The following KCNN2 variants were observed in gnomAD, a reference collection of about 807,000 sequenced individuals.
The protein encoded by KCNN2 is small conductance calcium-activated potassium channel protein 2.
In KCNN2, 24 loss-of-function variants were observed where a neutral mutation model predicts 55.5. The ratio of observed to expected loss-of-function variants is 0.43; its 90% CI spans 0.31 to 0.61. KCNN2 has a LOEUF of 0.61. Ranked by LOEUF, KCNN2 falls within the 20% of genes least tolerant of loss-of-function variation. KCNN2 has a pLI of 0.08. For synonymous variants in KCNN2, 431 were observed against 336.1 expected (o/e 1.28, Z -3.09); for missense variants, 754 against 853.6 (o/e 0.88, Z 1.45).
chr5:114,380,550 T>C (rs1758087434), intron 2 of KCNN2, among the ~76,000 whole-genome samples: 1 of 152,170 alleles, frequency 6.6e-6, no homozygotes, highest in Non-Finnish European at 1.5e-5. Flanking sequence ...ATCTGGAAAA[T>C]GGGGTAATAA....
At chr5:114,294,656 G>C (rs1424985651) in intron 2 of KCNN2, among the ~76,000 whole-genome samples, 1 of 152,150 alleles carries the variant, frequency 6.6e-6, no homozygotes, top group Non-Finnish European at 1.5e-5. Context: ...GTGCTGAAAA[G>C]AATGTATATT....
intron 2 of KCNN2, among the ~76,000 whole-genome samples, chr5:114,382,433 A>G (rs1349419389): frequency 3.9e-5 from 6 of 152,216 alleles, no homozygotes; most frequent in Non-Finnish European, 5.9e-5. Context: ...CGATGTGTAT[A>G]TATCTTTGTG....
intron 1 of KCNN2, among the ~76,000 whole-genome samples, chr5:114,159,681 G>A (rs924461396): frequency 6.6e-6 from 1 of 152,070 alleles, no homozygotes; most frequent in Non-Finnish European, 1.5e-5. Context: ...TAATTTCAGA[G>A]CCTGTTATTG....
intron 1 of KCNN2, among the ~76,000 whole-genome samples, chr5:114,137,568 T>C (rs1029966109): frequency 9.3e-6 from 1 of 107,668 alleles, no homozygotes; most frequent in African/African-American, 3.8e-5. Flanking sequence ...CATAGCATTA[T>C]GAAGCCTAGA....
intron 3 of KCNN2, among the ~76,000 whole-genome samples, chr5:114,452,613 C>A (rs1225206014): frequency 1.3e-5 from 2 of 152,170 alleles, no homozygotes; most frequent in Admixed American, 1.3e-4. Flanking sequence ...ACATTAAAAT[C>A]ATCTGGGGAG....
At chr5:114,458,520 C>T (rs1258776052) in intron 3 of KCNN2, among the ~76,000 whole-genome samples, 1 of 152,180 alleles carries the variant, frequency 6.6e-6, no homozygotes, top group African/African-American at 2.4e-5. Flanking sequence ...GGACATGTTT[C>T]CCTTTGTCAC....
intron 5 of KCNN2, among the ~76,000 whole-genome samples, chr5:114,478,316 C>A (rs1462247920): frequency 6.6e-6 from 1 of 151,764 alleles, no homozygotes; most frequent in Non-Finnish European, 1.5e-5. Flanking sequence ...TACCTATATG[C>A]TATAGGTTTG....
intron 1 of KCNN2, among the ~76,000 whole-genome samples, chr5:114,172,801 A>T (rs555965178): frequency 3.4e-4 from 51 of 151,576 alleles, no homozygotes; most frequent in Non-Finnish European, 4.0e-4. Context: ...TTTTTTCTGT[A>T]GAGTTGAGTT....
At chr5:114,316,816 G>A (rs1271454918) in intron 2 of KCNN2, among the ~76,000 whole-genome samples, 1 of 152,134 alleles carries the variant, frequency 6.6e-6, no homozygotes, top group East Asian at 1.9e-4. Context: ...TATGGACTCA[G>A]GTCTGGCCAT....
chr5:114,129,121 G>A (rs1439824361), intron 1 of KCNN2, among the ~76,000 whole-genome samples: 1 of 152,182 alleles, frequency 6.6e-6, no homozygotes, highest in Non-Finnish European at 1.5e-5. Flanking sequence ...AATGGAGTCA[G>A]AAGGATAGAG....
chr5:114,348,937 T>A (rs1038514184), intron 2 of KCNN2, among the ~76,000 whole-genome samples: 1 of 152,162 alleles, frequency 6.6e-6, no homozygotes, highest in African/African-American at 2.4e-5. Context: ...TCTACCCATT[T>A]AAAGTGTATA....
chr5:114,325,709 C>T (rs1756702519), intron 2 of KCNN2, among the ~76,000 whole-genome samples: 1 of 152,198 alleles, frequency 6.6e-6, no homozygotes, highest in Non-Finnish European at 1.5e-5. Context: ...CATCTGGTGA[C>T]TCCACAGTGC....
At chr5:114,379,947 G>A (rs142829123) in intron 2 of KCNN2, among the ~76,000 whole-genome samples, 2,288 of 149,120 alleles carry the variant, frequency 0.015, 71 homozygotes, top group African/African-American at 0.054. Context: ...TATGTAAAGT[G>A]TAAAAATATA....
intron 2 of KCNN2, among the ~76,000 whole-genome samples, chr5:114,314,244 C>T (rs745716968): frequency 1.4e-4 from 22 of 152,044 alleles, no homozygotes; most frequent in Non-Finnish European, 3.2e-4. Context: ...TATATCACTT[C>T]CCCCCTGCAT....
intron 1 of KCNN2, among the ~76,000 whole-genome samples, chr5:114,085,537 A>G (rs1477382193): frequency 6.6e-6 from 1 of 152,012 alleles, no homozygotes; most frequent in Non-Finnish European, 1.5e-5. Context: ...ATATAACCTT[A>G]TATCTACAAC....
At chr5:114,121,594 A>G (rs551381642) in intron 1 of KCNN2, among the ~76,000 whole-genome samples, 1 of 152,284 alleles carries the variant, frequency 6.6e-6, no homozygotes, top group East Asian at 1.9e-4. Context: ...GCTGCTGACA[A>G]TAAGGAAAGT....
chr5:114,171,803 C>T (rs1753038553), intron 1 of KCNN2, among the ~76,000 whole-genome samples: 2 of 151,636 alleles, frequency 1.3e-5, no homozygotes, highest in South Asian at 2.1e-4. Context: ...TATAAATGTG[C>T]TCTTTGACCT....
intron 1 of KCNN2, among the ~76,000 whole-genome samples, chr5:114,151,322 G>T (rs4616883): frequency 6.6e-6 from 1 of 151,894 alleles, no homozygotes; most frequent in African/African-American, 2.4e-5. Flanking sequence ...ATGGCAGTGG[G>T]TTGGGGACAG....
intron 2 of KCNN2, among the ~76,000 whole-genome samples, chr5:114,234,689 G>A (rs1043776149): frequency 7.9e-5 from 12 of 152,024 alleles, no homozygotes; most frequent in African/African-American, 2.9e-4. Flanking sequence ...GGTGGAGAGT[G>A]GAGAAGAGGG....
Sources: allele counts gnomAD v4.1 joint callset (sites outside exome capture counted in the v4.1 genomes callset), GRCh38; gene constraint gnomAD v4.1.1; transcripts MANE v1.5; gene names NCBI Gene and HGNC (gene_info 2026-07-23, HGNC 2026-07-21).